Variants in SLC44A5 observed in about 807,000 individuals in gnomAD.
SLC44A5 encodes solute carrier family 44 member 5.
A neutral mutation model predicts 101.8 loss-of-function variants in SLC44A5; 57 were observed. The observed-to-expected ratio is 0.56, with a 90% CI of 0.45 to 0.70. The LOEUF is 0.70. Ranked by LOEUF, SLC44A5 falls within the 30% of genes least tolerant of loss-of-function variation. The pLI is 0.00. For missense variants in SLC44A5, 737 were observed against 853.1 expected, an observed-to-expected ratio of 0.86 and a Z score of 1.70; for synonymous variants, 281 against 290.9, an observed-to-expected ratio of 0.97 and a Z score of 0.35.
intron 2 of SLC44A5, among the ~76,000 whole-genome samples, chr1:75,482,666 AT>A (rs1477454424): frequency 6.6e-6 from 1 of 152,130 alleles, no homozygotes; most frequent in African/African-American, 2.4e-5. Context: ...CAAATCTTCT[AT>A]TTTTTGAATT....
At chr1:75,315,948 A>T (rs1655654873) in intron 4 of SLC44A5, among the ~76,000 whole-genome samples, 1 of 151,992 alleles carries the variant, frequency 6.6e-6, no homozygotes, top group Non-Finnish European at 1.5e-5. Context: ...CTTTCCCTCC[A>T]ATCTCATTGC....
chr1:75,533,255 T>C (rs932926004), intron 2 of SLC44A5, among the ~76,000 whole-genome samples: 13 of 152,332 alleles, frequency 8.5e-5, no homozygotes, highest in African/African-American at 3.1e-4. Flanking sequence ...GTCAGTAGAA[T>C]GAGTAACTTT....
the SLC44A5 span, among the ~76,000 whole-genome samples, chr1:75,677,273 T>A: frequency 1.3e-5 from 2 of 152,112 alleles, no homozygotes; most frequent in Non-Finnish European, 2.9e-5. Flanking sequence ...CTATCAAAAA[T>A]AATAACTACA....
intron 2 of SLC44A5, among the ~76,000 whole-genome samples, chr1:75,496,401 T>C (rs539498419): frequency 1.3e-5 from 2 of 152,076 alleles, no homozygotes; most frequent in South Asian, 2.1e-4. Flanking sequence ...TGGATATCCA[T>C]ATGCAAAGAA....
chr1:75,719,553 T>C, the SLC44A5 span, among the ~76,000 whole-genome samples: 1 of 152,224 alleles, frequency 6.6e-6, no homozygotes, highest in Non-Finnish European at 1.5e-5. Context: ...TCCTGAATTA[T>C]TTCCTGGCTA....
chr1:75,502,213 G>A (rs1237169430), intron 2 of SLC44A5, among the ~76,000 whole-genome samples: 2 of 152,062 alleles, frequency 1.3e-5, no homozygotes, highest in Non-Finnish European at 1.5e-5. Flanking sequence ...CGCACAACAT[G>A]CACATACACA....
At chr1:75,225,263 T>A (rs1004629848) in intron 13 of SLC44A5, among the ~76,000 whole-genome samples, 1 of 152,190 alleles carries the variant, frequency 6.6e-6, no homozygotes, top group African/African-American at 2.4e-5. Context: ...TATGGGTTTG[T>A]AGACTAGGAG....
intron 2 of SLC44A5, among the ~76,000 whole-genome samples, chr1:75,442,190 A>G (rs2101629620): frequency 6.6e-6 from 1 of 152,172 alleles, no homozygotes; most frequent in Admixed American, 6.6e-5. Context: ...CATATAAAAC[A>G]TTTTCTGAAG....
chr1:75,426,104 CA>C (rs948953747), intron 2 of SLC44A5, among the ~76,000 whole-genome samples: 1 of 151,532 alleles, frequency 6.6e-6, no homozygotes, highest in Non-Finnish European at 1.5e-5. Flanking sequence ...ACATTTCTGC[CA>C]AAAAAAGAAA....
intron 2 of SLC44A5, among the ~76,000 whole-genome samples, chr1:75,483,498 TG>T (rs1185431842): frequency 6.6e-6 from 1 of 152,120 alleles, no homozygotes; most frequent in Non-Finnish European, 1.5e-5. Flanking sequence ...AAAATCCAAA[TG>T]GGGGCAAAAA....
At chr1:75,328,162 A>C (rs1337011010) in intron 4 of SLC44A5, among the ~76,000 whole-genome samples, 2 of 152,338 alleles carry the variant, frequency 1.3e-5, no homozygotes, top group Middle Eastern at 3.4e-3. Context: ...AACTGCCTTT[A>C]ATTTTTTAAT....
intron 6 of SLC44A5, among the ~76,000 whole-genome samples, chr1:75,273,169 A>G (rs1183377304): frequency 1.3e-5 from 2 of 151,962 alleles, no homozygotes; most frequent in Admixed American, 6.6e-5. Context: ...TGAGTTCTTG[A>G]TTTGATTCTC....
chr1:75,351,706 A>T (rs150260971), intron 3 of SLC44A5, among the ~76,000 whole-genome samples: 1 of 151,988 alleles, frequency 6.6e-6, no homozygotes, highest in Non-Finnish European at 1.5e-5. Flanking sequence ...GGATGGAACT[A>T]GAGTGGTTGT....
intron 1 of SLC44A5, among the ~76,000 whole-genome samples, chr1:75,577,400 A>G (rs993446656): frequency 6.6e-6 from 1 of 152,214 alleles, no homozygotes; most frequent in Non-Finnish European, 1.5e-5. Flanking sequence ...GGCCATGAGC[A>G]TCTCTGCTTC....
At chr1:75,626,511 G>T in the SLC44A5 span, among the ~76,000 whole-genome samples, 1 of 152,076 alleles carries the variant, frequency 6.6e-6, no homozygotes, top group African/African-American at 2.4e-5. Flanking sequence ...TCTTGCCGTT[G>T]TTCTCTATAC....
At chr1:75,650,903 C>T in the SLC44A5 span, among the ~76,000 whole-genome samples, 1 of 152,176 alleles carries the variant, frequency 6.6e-6, no homozygotes, top group Admixed American at 6.5e-5. Flanking sequence ...CTAGATATTG[C>T]TTTTACCGAA....
intron 2 of SLC44A5, among the ~76,000 whole-genome samples, chr1:75,433,847 A>C (rs1363514488): frequency 6.6e-6 from 1 of 152,136 alleles, no homozygotes; most frequent in Non-Finnish European, 1.5e-5. Context: ...ATGGCTGAGG[A>C]GGCTTCACAG....
chr1:75,629,996 T>C, the SLC44A5 span, among the ~76,000 whole-genome samples: 4 of 152,220 alleles, frequency 2.6e-5, no homozygotes, highest in Non-Finnish European at 4.4e-5. Context: ...AAATTTCTTC[T>C]ATCCCCAGCC....
chr1:75,303,589 G>A (rs1654676293), intron 4 of SLC44A5, among the ~76,000 whole-genome samples: 1 of 152,156 alleles, frequency 6.6e-6, no homozygotes, highest in South Asian at 2.1e-4. Context: ...TAATGAATTA[G>A]CATCAGTTGG....
Sources: allele counts gnomAD v4.1 joint callset (sites outside exome capture counted in the v4.1 genomes callset), GRCh38; gene constraint gnomAD v4.1.1; transcripts MANE v1.5; gene names NCBI Gene and HGNC (gene_info 2026-07-23, HGNC 2026-07-21).